PTK2: variants seen among roughly 807,000 people sequenced by gnomAD.
PTK2 encodes focal adhesion kinase 1.
Under a neutral mutation model 150.1 loss-of-function variants are expected in PTK2, and 45 were observed. The observed-to-expected ratio is 0.30, with a 90% CI of 0.24 to 0.38. The LOEUF (loss-of-function observed/expected upper bound fraction) is 0.38, where lower values mean the gene tolerates loss of function less well. Among genes scored for constraint, PTK2 ranks in the 10% least tolerant of loss-of-function variants. The probability of loss-of-function intolerance (pLI) is 1.00; values close to 1 mark genes in which losing one functional copy is unlikely to be tolerated. For synonymous variants in PTK2, 432 were observed against 449.2 expected, an observed-to-expected ratio of 0.96 and a Z score of 0.48; for missense variants, 919 against 1,307.3, an observed-to-expected ratio of 0.70 and a Z score of 4.58.
At chr8:140,883,396 A>C (rs1432718729) in intron 3 of PTK2, among the ~76,000 whole-genome samples, 1 of 152,194 alleles carries the variant, frequency 6.6e-6, no homozygotes, top group Non-Finnish European at 1.5e-5. Flanking sequence ...ATTTTTAGCT[A>C]TAGTCTCACA....
intron 1 of PTK2, among the ~76,000 whole-genome samples, chr8:140,959,654 T>C (rs1051457226): frequency 6.6e-6 from 1 of 151,820 alleles, no homozygotes. Context: ...AAAAGATATA[T>C]GAGTATCACC....
chr8:140,759,855 A>C lies in PTK2; in HGVS notation c.1332+1310T>G, dbSNP rs73369986. ...AAGACTCTCTCTCTCACCCACACAC[A>C]CACACACACACAAACAATAGTTACC... On this transcript the variant is annotated intron_variant, in intron 16 of 31. Transcript: ENST00000522684. Among the ~76,000 whole-genome samples the C allele has an allele frequency of 4.2e-3, 641 of 152,090 alleles. 9 individuals carry two copies. Among genetic ancestry groups the C allele is most frequent in the African/African-American group, 0.015 (609 of 41,478 alleles).
At chr8:140,675,581 C>A in intron 27 of PTK2, 82 bp from the exon 31 acceptor site, 1 of 1,033,180 alleles carries the variant, frequency 9.7e-7, no homozygotes, top group South Asian at 1.3e-5. Context: ...GTCTATCCAC[C>A]CCCTTGAACT....
At chr8:140,851,037 G>A (rs1000941985) in intron 5 of PTK2, among the ~76,000 whole-genome samples, 7 of 152,292 alleles carry the variant, frequency 4.6e-5, no homozygotes, top group Admixed American at 2.0e-4. Context: ...TGGTAGCAAA[G>A]AAAGAGGATG....
chr8:140,907,046 T>G (rs577763667), intron 2 of PTK2, among the ~76,000 whole-genome samples: 1 of 152,332 alleles, frequency 6.6e-6, no homozygotes, highest in African/African-American at 2.4e-5. Flanking sequence ...TCTCACTGTT[T>G]CCACTATTTT....
chr8:140,974,601 T>C (rs1298778839), intron 1 of PTK2, among the ~76,000 whole-genome samples: 1 of 152,214 alleles, frequency 6.6e-6, no homozygotes, highest in Non-Finnish European at 1.5e-5. Context: ...TTGAGATGCA[T>C]TACATTTAAA....
intron 21 of PTK2, among the ~76,000 whole-genome samples, chr8:140,736,547 A>G (rs2100052714): frequency 6.6e-6 from 1 of 152,206 alleles, no homozygotes; most frequent in African/African-American, 2.4e-5. Flanking sequence ...AAAAATTTAA[A>G]AATTCACCTT....
intron 10 of PTK2, among the ~76,000 whole-genome samples, chr8:140,809,369 A>G (rs2100100077): frequency 6.6e-6 from 1 of 152,250 alleles, no homozygotes; most frequent in African/African-American, 2.4e-5. Context: ...TTAGGCATGA[A>G]ACAGGAATAT....
chr8:140,902,933 T>TTTG (rs1568514238), intron 2 of PTK2, among the ~76,000 whole-genome samples: 13 of 108,780 alleles, frequency 1.2e-4, no homozygotes, highest in East Asian at 7.6e-4. Flanking sequence ...TGTTTTTTTT[T>TTTG]TTTTTTTTTT....
At chr8:140,906,819 GAAAGA>G (rs1297964257) in intron 2 of PTK2, among the ~76,000 whole-genome samples, 2 of 152,130 alleles carry the variant, frequency 1.3e-5, no homozygotes, top group African/African-American at 4.8e-5. Context: ...CAACACAAAG[GAAAGA>G]AAAGTGTTGG....
exon 3 of PTK2, chr8:140,890,674 G>A: frequency 6.2e-7 from 1 of 1,614,108 alleles, no homozygotes; most frequent in Non-Finnish European, 8.5e-7. Context: ...CCAGTACCCA[G>A]GTGAGTCTTA....
At chr8:140,730,165 T>TTA (rs55701414) in intron 22 of PTK2, among the ~76,000 whole-genome samples, 91,264 of 151,298 alleles carry the variant, frequency 0.6, 28,809 homozygotes, top group African/African-American at 0.8. Context: ...AAGGTGATAC[T>TTA]TGAGACTGGT....
At chr8:140,716,156 G>A (rs961374400) in intron 23 of PTK2, among the ~76,000 whole-genome samples, 2 of 152,206 alleles carry the variant, frequency 1.3e-5, no homozygotes, top group Non-Finnish European at 2.9e-5. Flanking sequence ...TTTGGAGTAG[G>A]TAGGTGACTT....
At chr8:140,745,789 C>A (rs896867582) in intron 18 of PTK2, among the ~76,000 whole-genome samples, 6 of 152,060 alleles carry the variant, frequency 3.9e-5, no homozygotes, top group African/African-American at 1.4e-4. Context: ...CACTGGAGGT[C>A]AGGGGTTCGA....
chr8:140,902,937 T>TTTG (rs1568515798), intron 2 of PTK2, among the ~76,000 whole-genome samples: 23 of 138,946 alleles, frequency 1.7e-4, no homozygotes, highest in South Asian at 9.6e-4. Context: ...TTTTTTTTTT[T>TTTG]TTTTTTTTTT....
intron 20 of PTK2, among the ~76,000 whole-genome samples, chr8:140,742,178 C>T (rs1200472341): frequency 6.6e-6 from 1 of 152,142 alleles, no homozygotes; most frequent in East Asian, 1.9e-4. Context: ...CTAATAGATC[C>T]AAGGTGCTGG....
intron 2 of PTK2, among the ~76,000 whole-genome samples, chr8:140,915,011 C>A (rs1239760420): frequency 1.2e-5 from 1 of 81,034 alleles, no homozygotes. Context: ...CCAGCCTGGG[C>A]AACAAGAACG....
intron 16 of PTK2, among the ~76,000 whole-genome samples, chr8:140,758,460 C>A (rs1367198857): frequency 6.6e-6 from 1 of 152,114 alleles, no homozygotes; most frequent in Non-Finnish European, 1.5e-5. Context: ...CAGGGCCTTT[C>A]GCAGGTATCC....
intron 3 of PTK2, among the ~76,000 whole-genome samples, chr8:140,883,494 T>C (rs1269134363): frequency 6.6e-6 from 1 of 152,232 alleles, no homozygotes; most frequent in East Asian, 1.9e-4. Flanking sequence ...TCCTAAGAAT[T>C]ACCAAATATA....
Sources: allele counts gnomAD v4.1 joint callset (sites outside exome capture counted in the v4.1 genomes callset), GRCh38; gene constraint gnomAD v4.1.1; transcripts MANE v1.5; gene names NCBI Gene and HGNC (gene_info 2026-07-23, HGNC 2026-07-21).